Variants in DPYSL4 observed in about 807,000 individuals in gnomAD.
DPYSL4 encodes the protein dihydropyrimidinase like 4.
A neutral mutation model predicts 63.4 loss-of-function variants in DPYSL4; 43 were observed. That is an observed-to-expected ratio of 0.68 (90% CI 0.53 to 0.88). The LOEUF is 0.88. Among genes scored for constraint, DPYSL4 ranks in the 40% least tolerant of loss-of-function variants. DPYSL4 has a pLI of 0.00. For synonymous variants in DPYSL4, 353 were observed against 331.7 expected (o/e 1.06, Z -0.70); for missense variants, 733 against 819.5 (o/e 0.89, Z 1.29).
Position 132,195,048 on chromosome 10 carries a change from C to T in DPYSL4, c.478+39C>T, listed in dbSNP as rs748840762. 8 of 1,580,652 alleles carry T rather than the reference C, an allele frequency of 5.1e-6. No individual in the cohort carries two copies. In the Admixed American group the frequency reaches 1.2e-4, roughly 24 times the overall value. On this transcript the variant is annotated intron_variant, in intron 4 of 13. Coordinates refer to ENST00000338492, the MANE Select transcript of DPYSL4 (RefSeq NM_006426.3). ...GAGGGGCTGGAGGGCGGGCATGGAGCCTGGTGGAGGAGCCTCTGCCCTGAC... is the reference window on the plus strand; with the variant it reads ...GAGGGGCTGGAGGGCGGGCATGGAGTCTGGTGGAGGAGCCTCTGCCCTGAC...
In DPYSL4 at chr10:132,204,853, G is replaced by A. The variant is rs372652497; in HGVS notation, c.1642G>A (p.Asp548Asn). The A allele has an allele frequency of 4.3e-6, 7 of 1,611,044 alleles. No individual in the cohort carries two copies. Among genetic ancestry groups the A allele is most frequent in the African/African-American group, 1.3e-5 (1 of 74,806 alleles). Residue 548 changes from aspartate (D) to asparagine (N), a missense_variant, in exon 14 of 14, where the codon GAC (aspartate) becomes AAC (asparagine). Transcript: ENST00000338492. ...CCTTTCTTCAGGGTCTCAGGCTGAT[G>A]ACCACATCGCCCGACGCACAGCACA... Reference protein sequence around the residue: ...GFSLSGSQADDHIARRTAQKI... With the variant: ...GFSLSGSQADNHIARRTAQKI...
chr10:132,187,252 G>C (rs1251839229), intron 1 of DPYSL4, 150 bp downstream of exon 1: 4 of 533,836 alleles, frequency 7.5e-6, no homozygotes, highest in Non-Finnish European at 9.6e-6. Context: ...TTCCCTGCTC[G>C]GCTCCTTCGC....
chr10:132,194,687 G>A (rs2279521), intron 3 of DPYSL4, among the ~76,000 whole-genome samples, 158 bp from the exon 4 acceptor site: 8,666 of 152,238 alleles, frequency 0.057, 1,023 homozygotes, highest in East Asian at 0.57. Flanking sequence ...CGGGTTCGTG[G>A]CAGCGTCATC....
intron 4 of DPYSL4, 40 bp from the exon 5 acceptor site, chr10:132,196,821 C>T (rs2137512165): frequency 6.2e-7 from 1 of 1,610,108 alleles, no homozygotes; most frequent in East Asian, 2.2e-5. Flanking sequence ...GGTTGTCTGA[C>T]TGGTGATGGC....
rs2062088944 is a variant in DPYSL4, at chr10:132,205,689, C to CCCA, written c.*762_*764dup. 6.6e-6 allele frequency: 1 copy of CCCA among 152,250 alleles called. No homozygotes were observed. Among genetic ancestry groups the CCCA allele is most frequent in the Admixed American group, 6.5e-5 (1 of 15,282 alleles). The allele number at this position is 152,250 out of a possible 1,614,324, so 9.4% of individuals were successfully genotyped here. On this transcript the variant is annotated 3_prime_UTR_variant, in exon 14 of 14. Coordinates refer to ENST00000338492, the MANE Select transcript of DPYSL4 (RefSeq NM_006426.3). Reference sequence around the variant, plus strand: ...TGTAGCCAGGAACCTGTGCATGCCACCCACCGCCTGGACAGGCAGTCATCC... The same window carrying CCCA: ...TGTAGCCAGGAACCTGTGCATGCCACCCACCACCGCCTGGACAGGCAGTCATCC...
intron 10 of DPYSL4, 107 bp from the exon 11 acceptor site, chr10:132,201,839 G>A: frequency 8.1e-7 from 1 of 1,233,724 alleles, no homozygotes; most frequent in Admixed American, 2.3e-5. Flanking sequence ...GGGGCCTGGT[G>A]ACCTGGCATC....
In DPYSL4 at chr10:132,205,057, T is replaced by G; in HGVS notation, c.*127T>G. 4 of 676,096 alleles carry G rather than the reference T, an allele frequency of 5.9e-6. No homozygotes were observed. Among genetic ancestry groups the G allele is most frequent in the Non-Finnish European group, 9.3e-6 (4 of 429,704 alleles). The allele number at this position is 676,096 out of a possible 1,614,324, so 41.9% of individuals were successfully genotyped here. On this transcript the variant is annotated 3_prime_UTR_variant, in exon 14 of 14. Transcript: ENST00000338492. ...CTCGAAGGTGCTTGGCGGTCTTGCC[T>G]TCCCCCTCCCCACAGGCTCTCCTTG...
rs1554967819 is a variant in DPYSL4 at position 132,201,930 on chromosome 10, CCTT to C, written c.1111-12_1111-10del. ...ACCCCACCCGTCGCCCTCAGCTCAG[CCTT>C]CTTGTTCCCCAGGCCTCTGGGAAGA... On this transcript the variant is annotated splice_polypyrimidine_tract_variant and intron_variant, in intron 10 of 13. Transcript: ENST00000338492. 1 of 1,606,246 alleles carries C rather than the reference CCTT, an allele frequency of 6.2e-7. No homozygotes were observed. Among genetic ancestry groups the C allele is most frequent in the Non-Finnish European group, 8.5e-7 (1 of 1,175,330 alleles).
chr10:132,200,080 T>C (rs999047561), intron 8 of DPYSL4, among the ~76,000 whole-genome samples: 1 of 151,984 alleles, frequency 6.6e-6, no homozygotes, highest in Non-Finnish European at 1.5e-5. Flanking sequence ...CCCGCTGGAG[T>C]GCCCGGGGTC....
chr10:132,198,621 C>T lies in DPYSL4; in HGVS notation c.690+138C>T, dbSNP rs934207474. 5 of 1,069,474 alleles carry T rather than the reference C, an allele frequency of 4.7e-6. No homozygotes were observed. In the African/African-American group the frequency reaches 6.4e-5, roughly 14 times the overall value. 66.2% of individuals were successfully genotyped at this position (1,069,474 alleles called of 1,614,324 possible). A position where few individuals can be genotyped will look rare whatever the true frequency, so the allele number is the denominator to read the frequency against. On this transcript the variant is annotated intron_variant, in intron 7 of 13. Transcript: ENST00000338492. ...CGACCTCATCTGGGAGGCGTGAATC[C>T]TCCCCGTGCCAGGCACTTGTCCTCC...
At position 132,187,012 on chromosome 10, in the gene DPYSL4, C is replaced by CCTGT; in HGVS notation, c.-52_-51insCTGT. On this transcript the variant is annotated 5_prime_UTR_variant, in exon 1 of 14. Coordinates refer to ENST00000338492, the MANE Select transcript of DPYSL4 (RefSeq NM_006426.3). ...TCACGCGTCCCCCCGCCCGCCCGCCCGCCCGCCCGCCCCCGCTTGTGCCGC... is the reference window on the plus strand; with the variant it reads ...TCACGCGTCCCCCCGCCCGCCCGCCCCTGTGCCCGCCCGCCCCCGCTTGTGCCGC... 1.8e-5 allele frequency: 4 copies of CCTGT among 222,364 alleles called. No homozygotes were observed. The South Asian group carries it at 2.2e-4, about 12-fold the overall frequency. The allele number at this position is 222,364 out of a possible 1,614,324, so 13.8% of individuals were successfully genotyped here.
In DPYSL4 at chr10:132,200,852, C is replaced by T; in HGVS notation, c.979C>T (p.Gln327Ter). 1 of 1,612,548 alleles carries T rather than the reference C, an allele frequency of 6.2e-7. No individual in the cohort carries two copies. The highest frequency in any genetic ancestry group is 1.1e-5 in the South Asian group (1 of 91,046). Residue 327 changes from glutamine to a stop codon, truncating the protein, a stop_gained, in exon 10 of 14, where the codon CAG becomes TAG. Coordinates refer to ENST00000338492, the MANE Select transcript of DPYSL4 (RefSeq NM_006426.3). LOFTEE classifies it high-confidence loss of function. ...LTCLLSSGDLQVTGSAHCTFT... is the reference protein window; with the variant it reads ...LTCLLSSGDL ...CTGGCTTGTTTCCAGCGGGGACCTC[C>T]AGGTGACAGGCAGCGCCCACTGCAC...
At chr10:132,197,343 A>G (rs550316566) in intron 6 of DPYSL4, among the ~76,000 whole-genome samples, 1 of 152,204 alleles carries the variant, frequency 6.6e-6, no homozygotes, top group Non-Finnish European at 1.5e-5. Flanking sequence ...CTTGATCAAC[A>G]CTTCTTATCC....
chr10:132,202,740 T>C lies in DPYSL4; in HGVS notation c.1376T>C (p.Met459Thr). The C allele has an allele frequency of 6.2e-6, 10 of 1,613,256 alleles. No homozygotes were observed. Among genetic ancestry groups the C allele is most frequent in the Non-Finnish European group, 8.5e-6 (10 of 1,179,952 alleles). Residue 459 changes from methionine (M) to threonine (T), a missense_variant, in exon 12 of 14, where the codon ATG becomes ACG. Met to Thr is a moderately conservative substitution (Grantham distance 81). Transcript: ENST00000338492. ...CGAGTGGCGCTGGAGGACGGGAAGA[T>C]GTTTGTCACCCCGGGGGCGGGCCGC... is the stretch of plus-strand genomic sequence containing the variant. ...QGRVALEDGK[M>T]FVTPGAGRFV...
chr10:132,200,540 G>T, intron 9 of DPYSL4, 28 bp downstream of exon 9: 1 of 1,610,580 alleles, frequency 6.2e-7, no homozygotes. Flanking sequence ...GTGGCCCCAG[G>T]TTGGCCGCCC....
chr10:132,204,760 T>A, intron 13 of DPYSL4, 79 bp from the exon 14 acceptor site: 1 of 1,291,032 alleles, frequency 7.7e-7, no homozygotes, highest in Non-Finnish European at 1.1e-6. Flanking sequence ...ACGCAGCCAC[T>A]GACTCTGCCT....
intron 2 of DPYSL4, chr10:132,192,293 G>C: frequency 1.0e-6 from 1 of 992,636 alleles, no homozygotes; most frequent in Non-Finnish European, 1.2e-6. Context: ...CACTTAGTAT[G>C]GTGCCTGGCT....
chr10:132,204,336 C>T (rs760506844), intron 13 of DPYSL4, among the ~76,000 whole-genome samples: 5 of 152,156 alleles, frequency 3.3e-5, no homozygotes, highest in Admixed American at 6.5e-5. Context: ...AGCTGTGTCC[C>T]GGGGCCTGGA....
intron 13 of DPYSL4, 123 bp from the exon 14 acceptor site, chr10:132,204,716 G>A: frequency 1.4e-6 from 1 of 735,716 alleles, no homozygotes; most frequent in South Asian, 3.1e-5. Flanking sequence ...GGTGGTGGCA[G>A]GTGTGCGGGG....
Sources: allele counts gnomAD v4.1 joint callset (sites outside exome capture counted in the v4.1 genomes callset), GRCh38; gene constraint gnomAD v4.1.1; transcripts MANE v1.5; gene names NCBI Gene and HGNC (gene_info 2026-07-23, HGNC 2026-07-21).